Variants in EPHA3 observed in about 807,000 individuals in gnomAD.
EPHA3 encodes EPH receptor A3.
A neutral mutation model predicts 107.1 loss-of-function variants in EPHA3; 42 were observed. That is an observed-to-expected ratio of 0.39 (90% CI 0.31 to 0.51). EPHA3 has a LOEUF of 0.51. Ranked by LOEUF, EPHA3 falls within the 20% of genes least tolerant of loss-of-function variation. The pLI is 0.78. For missense variants in EPHA3, 1,183 were observed against 1,211.2 expected, an observed-to-expected ratio of 0.98 and a Z score of 0.35; for synonymous variants, 461 against 424.8, an observed-to-expected ratio of 1.09 and a Z score of -1.05.
At chr3:89,195,106 T>C (rs1407706407) in intron 2 of EPHA3, among the ~76,000 whole-genome samples, 1 of 152,088 alleles carries the variant, frequency 6.6e-6, no homozygotes, top group Non-Finnish European at 1.5e-5. Context: ...TTTATATGCA[T>C]GTAATTTTTT....
chr3:89,383,102 A>G (rs2107487527), intron 5 of EPHA3, among the ~76,000 whole-genome samples: 1 of 152,338 alleles, frequency 6.6e-6, no homozygotes, highest in South Asian at 2.1e-4. Flanking sequence ...CCTTTCACAA[A>G]TATATATCCT....
At chr3:89,459,807 G>T (rs1710184952) in intron 15 of EPHA3, among the ~76,000 whole-genome samples, 1 of 152,098 alleles carries the variant, frequency 6.6e-6, no homozygotes, top group South Asian at 2.1e-4. Context: ...TCAGGCTTAA[G>T]CCACCACATC....
chr3:89,210,452 A>C lies in EPHA3; in HGVS notation c.746A>C (p.Glu249Ala). 6.2e-7 allele frequency: 1 copy of C among 1,609,196 alleles called. No individual in the cohort carries two copies. Among genetic ancestry groups the C allele is most frequent in the Non-Finnish European group, 8.5e-7 (1 of 1,177,904 alleles). The change falls in exon 3 of 17, where the codon GAA becomes GCA. Residue 249 changes from glutamate to alanine, a missense_variant. Transcript: ENST00000336596. ...PPRMYCSTEGEWLVPIGKCSC... is the reference protein window; with the variant it reads ...PPRMYCSTEGAWLVPIGKCSC... ...AGGATGTACTGCAGTACAGAAGGCG[A>C]ATGGCTTGTACCCATTGGCAAGTGT...
intron 2 of EPHA3, among the ~76,000 whole-genome samples, chr3:89,175,040 T>G (rs1174475373): frequency 1.3e-5 from 2 of 151,628 alleles, no homozygotes; most frequent in Non-Finnish European, 2.9e-5. Flanking sequence ...CTGGTAACAA[T>G]AGGTTTGGTA....
rs565093351 is a variant in EPHA3, at chr3:89,185,606, C to A, written c.154-24254C>A. Among the ~76,000 whole-genome samples, 3 of 152,140 alleles carry A rather than the reference C, an allele frequency of 2.0e-5. No individual in the cohort carries two copies. The South Asian group carries it at 6.2e-4, about 31-fold the overall frequency. Reference sequence around the variant, plus strand: ...TATCTTCTCTAGGGCTTAAACTTGGCAAAAATGTGAAGTAGGTGGGATTGG... The same window carrying A: ...TATCTTCTCTAGGGCTTAAACTTGGAAAAAATGTGAAGTAGGTGGGATTGG... On this transcript the variant is annotated intron_variant, in intron 2 of 16. Transcript: ENST00000336596.
chr3:89,316,826 ATCTT>A lies in EPHA3; in HGVS notation c.815-24084_815-24081del, dbSNP rs552791733. Among the ~76,000 whole-genome samples, 5 of 151,696 alleles carry A rather than the reference ATCTT, an allele frequency of 3.3e-5. 1 individual carries two copies. The South Asian group carries it at 1.0e-3, about 31-fold the overall frequency. ...AATATAACTGTTGTGTAATGGCAAA[ATCTT>A]TCTTTTAGTAAGTACCTCCTTTGTA... is the stretch of plus-strand genomic sequence containing the variant. On this transcript the variant is annotated intron_variant, in intron 3 of 16. Coordinates refer to ENST00000336596, the MANE Select transcript of EPHA3 (RefSeq NM_005233.6).
chr3:89,439,882 G>A (rs1709751046), intron 13 of EPHA3, among the ~76,000 whole-genome samples: 1 of 152,058 alleles, frequency 6.6e-6, no homozygotes, highest in South Asian at 2.1e-4. Flanking sequence ...AGTAACATAA[G>A]CATTATGAGT....
intron 2 of EPHA3, among the ~76,000 whole-genome samples, chr3:89,202,254 G>A (rs1358231969): frequency 3.3e-5 from 5 of 151,808 alleles, no homozygotes. Flanking sequence ...CAGCACTTTG[G>A]GAGGCCGAGG....
intron 3 of EPHA3, among the ~76,000 whole-genome samples, chr3:89,337,912 T>A (rs2107411515): frequency 6.6e-6 from 1 of 152,340 alleles, no homozygotes; most frequent in African/African-American, 2.4e-5. Context: ...CTGGATCAAG[T>A]ACAGAAAACA....
chr3:89,369,321 A>G (rs892884987), intron 5 of EPHA3, among the ~76,000 whole-genome samples: 7 of 150,816 alleles, frequency 4.6e-5, no homozygotes, highest in Non-Finnish European at 8.9e-5. Context: ...AATGGAACAG[A>G]ACAGAGCCCT....
intron 6 of EPHA3, among the ~76,000 whole-genome samples, 191 bp from the exon 7 acceptor site, chr3:89,399,127 T>TA (rs375028505): frequency 0.029 from 3,969 of 139,194 alleles, 102 homozygotes; most frequent in African/African-American, 0.077. Flanking sequence ...AGACTTTGTC[T>TA]AAAAAAAAAA....
chr3:89,190,778 G>T (rs1329273923), intron 2 of EPHA3, among the ~76,000 whole-genome samples: 1 of 152,026 alleles, frequency 6.6e-6, no homozygotes, highest in Non-Finnish European at 1.5e-5. Flanking sequence ...TCTCTTTCTG[G>T]CTTATAAATG....
chr3:89,396,011 C>CACATGAG, intron 6 of EPHA3, 50 bp downstream of exon 6: 1 of 1,600,950 alleles, frequency 6.2e-7, no homozygotes, highest in Non-Finnish European at 8.5e-7. Context: ...GAAGCTGTTT[C>CACATGAG]CTCATGAGCT....
At chr3:89,289,237 C>A (rs779660749) in intron 3 of EPHA3, among the ~76,000 whole-genome samples, 11 of 152,126 alleles carry the variant, frequency 7.2e-5, no homozygotes, top group East Asian at 1.9e-4. Context: ...TTTCCTTCAG[C>A]GTGGAGGATC....
At chr3:89,110,994 C>T (rs1053772352) in intron 1 of EPHA3, among the ~76,000 whole-genome samples, 1 of 151,812 alleles carries the variant, frequency 6.6e-6, no homozygotes, top group Non-Finnish European at 1.5e-5. Flanking sequence ...TTAACATTTA[C>T]CTAGAAAGCT....
At chr3:89,341,333 TGCATTACATATGACAG>T (rs1256981847) in intron 4 of EPHA3, among the ~76,000 whole-genome samples, 1 of 152,232 alleles carries the variant, frequency 6.6e-6, no homozygotes, top group African/African-American at 2.4e-5. Flanking sequence ...GTTTAGATCC[TGCATTACATATGACAG>T]GATAGGGGAG....
intron 2 of EPHA3, among the ~76,000 whole-genome samples, chr3:89,189,845 A>G (rs935216351): frequency 6.6e-5 from 10 of 152,318 alleles, no homozygotes; most frequent in South Asian, 2.1e-4. Flanking sequence ...AATTGTGTCC[A>G]TTATGATCTG....
chr3:89,456,637 A>C (rs1299830521), intron 15 of EPHA3, among the ~76,000 whole-genome samples: 1 of 152,154 alleles, frequency 6.6e-6, no homozygotes, highest in African/African-American at 2.4e-5. Flanking sequence ...CGTCACTGGA[A>C]GTGGGGAAGG....
At chr3:89,454,947 TAAC>T (rs1710067051) in intron 15 of EPHA3, among the ~76,000 whole-genome samples, 1 of 152,244 alleles carries the variant, frequency 6.6e-6, no homozygotes, top group African/African-American at 2.4e-5. Flanking sequence ...TGAGCAATGG[TAAC>T]AACACTGCAC....
Sources: allele counts gnomAD v4.1 joint callset (sites outside exome capture counted in the v4.1 genomes callset), GRCh38; gene constraint gnomAD v4.1.1; transcripts MANE v1.5; gene names NCBI Gene and HGNC (gene_info 2026-07-23, HGNC 2026-07-21).